NDRG4: variants seen among roughly 807,000 people sequenced by gnomAD.
NDRG4 encodes the protein NDRG family member 4.
NDRG4 carries 38 observed loss-of-function variants against 55.8 expected under a neutral mutation model. The observed-to-expected ratio is 0.68, with a 90% confidence interval of 0.53 to 0.89. The LOEUF (loss-of-function observed/expected upper bound fraction) is 0.89. NDRG4 is among the 40% of genes least tolerant of loss of function. The pLI is 0.00. For missense variants in NDRG4, 455 were observed against 468.6 expected (o/e 0.97, Z 0.27); for synonymous variants, 190 against 182.7 (o/e 1.04, Z -0.32).
In NDRG4 at chr16:58,513,138, C is replaced by T. The variant is rs2151866875; in HGVS notation, c.*1562C>T. 1 of 149,656 alleles carries T rather than the reference C, an allele frequency of 6.7e-6. No homozygotes were observed. Among genetic ancestry groups the T allele is most frequent in the East Asian group, 2.0e-4 (1 of 5,020 alleles). The allele number at this position is 149,656 out of a possible 1,614,324, so 9.3% of individuals were successfully genotyped here. On this transcript the variant is annotated 3_prime_UTR_variant, in exon 15 of 15. Coordinates refer to ENST00000570248, the MANE Select transcript of NDRG4 (RefSeq NM_001242835.2). ...TTGGAATTTTGTTTTTTGCTGTTTC[C>T]AGATGTATCTATAAATATCTATACA...
intron 9 of NDRG4, 28 bp downstream of exon 9, chr16:58,507,892 C>T: frequency 1.2e-6 from 2 of 1,613,980 alleles, no homozygotes; most frequent in South Asian, 1.1e-5. Flanking sequence ...CTCTGGCCTG[C>T]CCTGGCCTTT....
At chr16:58,479,153 C>G (rs1188850638) in intron 1 of NDRG4, among the ~76,000 whole-genome samples, 1 of 152,186 alleles carries the variant, frequency 6.6e-6, no homozygotes, top group African/African-American at 2.4e-5. Flanking sequence ...CTCGGCCTCC[C>G]AAAGTGCTGG....
Position 58,484,847 on chromosome 16 carries a change from C to T in NDRG4, c.-23-2909C>T, listed in dbSNP as rs1236346762. Among the ~76,000 whole-genome samples, 5 of 151,008 alleles carry T rather than the reference C, an allele frequency of 3.3e-5. No individual in the cohort carries two copies. The East Asian group carries it at 9.7e-4, about 29-fold the overall frequency. On this transcript the variant is annotated intron_variant, in intron 1 of 15. Coordinates refer to the NDRG4 transcript ENST00000258187. Reference sequence around the variant, plus strand: ...TAGTAGGACTCTCATTTTCTTATAACTTATCACACAGCTTCTTAAAAAAAA... The same window carrying T: ...TAGTAGGACTCTCATTTTCTTATAATTTATCACACAGCTTCTTAAAAAAAA...
At chr16:58,483,476 AG>A (rs2034709180) in intron 1 of NDRG4, among the ~76,000 whole-genome samples, 1 of 152,196 alleles carries the variant, frequency 6.6e-6, no homozygotes, top group Non-Finnish European at 1.5e-5. Flanking sequence ...AACACAGCGC[AG>A]GAGCCCATTT....
chr16:58,478,700 T>TTTTG (rs111474351), intron 1 of NDRG4, among the ~76,000 whole-genome samples: 5,216 of 148,048 alleles, frequency 0.035, 328 homozygotes, highest in African/African-American at 0.12. Context: ...GTTTTTTGTT[T>TTTTG]TTTTTTTTTG....
rs2038816542 is a variant in NDRG4, at chr16:58,511,609, A to ATC, written c.*33_*34insTC. The stretch of plus-strand genomic sequence containing the variant: ...GATCCCGCTGACGACGCCCACGTCG[A>ATC]GGCCCCACCGCCATCCTTGCGCCGG... On this transcript the variant is annotated 3_prime_UTR_variant, in exon 15 of 15. Transcript: ENST00000570248. 6.2e-7 allele frequency: 1 copy of ATC among 1,612,654 alleles called. No homozygotes were observed. Among genetic ancestry groups the ATC allele is most frequent in the East Asian group, 2.2e-5 (1 of 44,868 alleles).
intron 1 of NDRG4, among the ~76,000 whole-genome samples, chr16:58,486,869 TTGG>T (rs1445006039): frequency 1.3e-5 from 2 of 152,086 alleles, no homozygotes; most frequent in Non-Finnish European, 2.9e-5. Context: ...CCCCTCCCTG[TTGG>T]TGGCCTGAAC....
intron 1 of NDRG4, among the ~76,000 whole-genome samples, chr16:58,475,814 T>C (rs1046261670): frequency 6.6e-6 from 1 of 151,774 alleles, no homozygotes; most frequent in Non-Finnish European, 1.5e-5. Context: ...CTTTTTTTTT[T>C]CAGACAGAGT....
At chr16:58,469,981 A>G (rs893269438) in intron 1 of NDRG4, among the ~76,000 whole-genome samples, 3 of 152,224 alleles carry the variant, frequency 2.0e-5, no homozygotes, top group Non-Finnish European at 2.9e-5. Flanking sequence ...TTCAAAACAT[A>G]TTTTTTGTTG....
chr16:58,478,028 T>A (rs779972636), intron 1 of NDRG4, among the ~76,000 whole-genome samples: 5 of 152,184 alleles, frequency 3.3e-5, no homozygotes, highest in Non-Finnish European at 7.3e-5. Flanking sequence ...CTCAGTCTAA[T>A]CATGAGAAAA....
Position 58,467,765 on chromosome 16 carries a change from T to G in NDRG4, c.-24+3968T>G, listed in dbSNP as rs113639442. 1.6e-4 allele frequency among the ~76,000 whole-genome samples: 25 copies of G among 152,308 alleles called. 1 individual carries two copies. The highest frequency in any genetic ancestry group is 6.0e-4 in the African/African-American group (25 of 41,566). ...GGGATCGTCGTGGTGCCTACCTGGC[T>G]GGGATCTTTGGAGATTAGGTGTGTG... On this transcript the variant is annotated intron_variant, in intron 1 of 15. Transcript: ENST00000258187.
chr16:58,465,193 T>A, intron 1 of NDRG4: 3 of 975,466 alleles, frequency 3.1e-6, no homozygotes, highest in Non-Finnish European at 4.3e-6. Context: ...CTCTGGGACT[T>A]ATAGGTGCTC....
At chr16:58,476,839 A>G (rs1310927400) in intron 1 of NDRG4, among the ~76,000 whole-genome samples, 1 of 152,188 alleles carries the variant, frequency 6.6e-6, no homozygotes, top group Non-Finnish European at 1.5e-5. Flanking sequence ...AAAGTGATAG[A>G]TGCTTTTTTA....
chr16:58,507,647 G>A (rs1180967521), intron 8 of NDRG4, 161 bp from the exon 9 acceptor site: 2 of 681,314 alleles, frequency 2.9e-6, no homozygotes, highest in East Asian at 2.7e-5. Flanking sequence ...CCTGGTATGT[G>A]CTAGGGAGTC....
intron 1 of NDRG4, among the ~76,000 whole-genome samples, chr16:58,476,671 G>C (rs2033677991): frequency 6.6e-6 from 1 of 152,124 alleles, no homozygotes; most frequent in African/African-American, 2.4e-5. Context: ...AGAGATAGTA[G>C]TAGAGCATCC....
chr16:58,504,652 G>A lies in NDRG4; in HGVS notation c.372+3G>A, dbSNP rs112262350. On this transcript the variant is annotated splice_donor_region_variant and intron_variant, in intron 5 of 14. Coordinates refer to ENST00000570248, the MANE Select transcript of NDRG4 (RefSeq NM_001242835.2). ...CCTATGTGCTGGCCAAGTTTGCAGT[G>A]AGTCTCCCCATGCCCCCATTACCCC... The A allele has an allele frequency of 7.0e-3, 11,329 of 1,614,192 alleles. 59 individuals are homozygous for A. Among genetic ancestry groups the A allele is most frequent in the Non-Finnish European group, 8.7e-3 (10,295 of 1,180,018 alleles).
At chr16:58,494,219 G>A (rs1320307228) in intron 2 of NDRG4, among the ~76,000 whole-genome samples, 1 of 152,174 alleles carries the variant, frequency 6.6e-6, no homozygotes, top group South Asian at 2.1e-4. Context: ...AGACTCAAAC[G>A]GTTCACTGTG....
downstream of NDRG4, among the ~76,000 whole-genome samples, chr16:58,514,032 T>C (rs1445608994): frequency 6.6e-6 from 1 of 152,176 alleles, no homozygotes; most frequent in Non-Finnish European, 1.5e-5. Flanking sequence ...ACCCCTGCCC[T>C]CCAAATCTCT....
At chr16:58,496,130 C>T (rs879510042), upstream of NDRG4, among the ~76,000 whole-genome samples, 5 of 152,060 alleles carry the variant, frequency 3.3e-5, no homozygotes, top group Non-Finnish European at 7.4e-5. Context: ...TGTGGGAGGC[C>T]GACGCCAACA....
Sources: allele counts gnomAD v4.1 joint callset (sites outside exome capture counted in the v4.1 genomes callset), GRCh38; gene constraint gnomAD v4.1.1; transcripts MANE v1.5; gene names NCBI Gene and HGNC (gene_info 2026-07-23, HGNC 2026-07-21).